Variants in IL1RAPL1 observed in about 807,000 individuals in gnomAD.
IL1RAPL1 encodes the protein interleukin-1 receptor accessory protein-like 1.
IL1RAPL1 carries 3 observed loss-of-function variants against 48.4 expected under a neutral mutation model. That is an observed-to-expected ratio of 0.06 (90% CI 0.03 to 0.16). The LOEUF is 0.16. Ranked by LOEUF, IL1RAPL1 falls within the 10% of genes least tolerant of loss-of-function variation. The pLI is 1.00. For synonymous variants in IL1RAPL1, 185 were observed against 187.7 expected (o/e 0.99, Z 0.12); for missense variants, 349 against 530.6 (o/e 0.66, Z 3.36).
intron 2 of IL1RAPL1, among the ~76,000 whole-genome samples, chrX:29,253,550 C>T (rs1931703248): frequency 9.0e-6 from 1 of 111,210 alleles, no homozygotes; most frequent in Admixed American, 9.6e-5. Context: ...TTTACACAAA[C>T]TCCTCATTTA....
intron 1 of IL1RAPL1, among the ~76,000 whole-genome samples, chrX:28,718,918 T>G (rs940721775): frequency 2.7e-5 from 3 of 111,577 alleles, no homozygotes; most frequent in African/African-American, 9.7e-5. Context: ...TAGGGATGTT[T>G]TCTGCATTCA....
At chrX:28,977,469 C>G (rs12009666) in intron 2 of IL1RAPL1, among the ~76,000 whole-genome samples, 48,190 of 110,417 alleles carry the variant, frequency 0.44, 7,620 homozygotes, top group Middle Eastern at 0.59. Context: ...GGGGATGGTG[C>G]TAACCCATTC....
chrX:28,764,201 G>A (rs1351620119), intron 1 of IL1RAPL1, among the ~76,000 whole-genome samples: 1 of 111,273 alleles, frequency 9.0e-6, no homozygotes, highest in Admixed American at 9.6e-5. Context: ...TACAGAGGTG[G>A]TCAGCCACAT....
chrX:29,644,374 T>G (rs752392448), intron 5 of IL1RAPL1, among the ~76,000 whole-genome samples: 1 of 111,891 alleles, frequency 8.9e-6, no homozygotes, highest in East Asian at 2.8e-4. Flanking sequence ...GAAGTCTTGG[T>G]CCTTCCTGGG....
chrX:28,955,601 G>A (rs988218833), intron 2 of IL1RAPL1, among the ~76,000 whole-genome samples: 25 of 107,343 alleles, frequency 2.3e-4, no homozygotes, highest in African/African-American at 6.5e-4. Flanking sequence ...GATATGCGGC[G>A]TTATTTCTGA....
At chrX:29,535,808 A>G (rs1325076283) in intron 5 of IL1RAPL1, among the ~76,000 whole-genome samples, 1 of 112,516 alleles carries the variant, frequency 8.9e-6, no homozygotes, top group Admixed American at 9.4e-5. Context: ...CATTAGAAAC[A>G]AATGGATTGT....
At chrX:29,869,005 CATG>C (rs1245426625) in intron 6 of IL1RAPL1, among the ~76,000 whole-genome samples, 1 of 112,022 alleles carries the variant, frequency 8.9e-6, no homozygotes, top group Non-Finnish European at 1.9e-5. Flanking sequence ...ATTTGGAAAG[CATG>C]ATATGAGTAC....
rs1933864770 is a variant in IL1RAPL1 at position 29,392,366 on chromosome X, T to C, written c.363-3892T>C. Among the ~76,000 whole-genome samples the C allele has an allele frequency of 4.5e-5, 5 of 112,358 alleles. No individual in the cohort carries two copies. In the Admixed American group the frequency reaches 4.7e-4, roughly 11 times the overall value. The stretch of plus-strand genomic sequence containing the variant: ...AGCAGTTATGTCGCGAGTTTGATGA[T>C]GGTGGAATGTACTCTTTGCTTTGAG... On this transcript the variant is annotated intron_variant, in intron 3 of 10. Transcript: ENST00000378993.
chrX:28,787,004 A>G (rs955060580), intron 1 of IL1RAPL1, among the ~76,000 whole-genome samples: 1 of 112,076 alleles, frequency 8.9e-6, no homozygotes, highest in African/African-American at 3.2e-5. Flanking sequence ...ATTATTATAG[A>G]TTGACCAAGA....
intron 2 of IL1RAPL1, among the ~76,000 whole-genome samples, chrX:28,874,886 C>A (rs747020409): frequency 1.8e-5 from 2 of 111,806 alleles, no homozygotes; most frequent in African/African-American, 6.5e-5. Flanking sequence ...TTGAGGTTAT[C>A]CAGATAGAAG....
chrX:29,213,811 C>T (rs1330922970), intron 2 of IL1RAPL1, among the ~76,000 whole-genome samples: 1 of 112,206 alleles, frequency 8.9e-6, no homozygotes, highest in African/African-American at 3.2e-5. Flanking sequence ...TAACTTCCCC[C>T]ACCTCCAGCA....
intron 5 of IL1RAPL1, among the ~76,000 whole-genome samples, chrX:29,647,298 G>A (rs189892970): frequency 3.9e-4 from 41 of 105,016 alleles, no homozygotes; most frequent in African/African-American, 1.3e-3. Context: ...TGCAGTGAGC[G>A]AGATCATGCC....
At chrX:29,114,668 G>A (rs1398490411) in intron 2 of IL1RAPL1, among the ~76,000 whole-genome samples, 1 of 110,647 alleles carries the variant, frequency 9.0e-6, no homozygotes, top group Non-Finnish European at 1.9e-5. Context: ...ACTCTTGTTG[G>A]CCAGGCTGGA....
intron 6 of IL1RAPL1, among the ~76,000 whole-genome samples, chrX:29,859,234 G>C (rs1569187234): frequency 9.0e-6 from 1 of 111,633 alleles, no homozygotes; most frequent in South Asian, 3.8e-4. Context: ...ATCTCAACCT[G>C]GAGGTATCAC....
At chrX:28,889,082 G>A (rs1006886968) in intron 2 of IL1RAPL1, among the ~76,000 whole-genome samples, 2 of 111,256 alleles carry the variant, frequency 1.8e-5, no homozygotes, top group African/African-American at 6.5e-5. Context: ...CATAGAAAAA[G>A]CTTTTGTCTG....
chrX:28,938,889 G>T (rs1173870454), intron 2 of IL1RAPL1, among the ~76,000 whole-genome samples: 3 of 110,163 alleles, frequency 2.7e-5, no homozygotes, highest in Non-Finnish European at 3.8e-5. Context: ...TTCAAAAGAA[G>T]ACATACATGT....
chrX:29,070,713 A>G (rs1400866236), intron 2 of IL1RAPL1, among the ~76,000 whole-genome samples: 1 of 111,411 alleles, frequency 9.0e-6, no homozygotes, highest in African/African-American at 3.3e-5. Context: ...ATATGCAAAA[A>G]CCACAGAATT....
chrX:28,747,985 A>G (rs1439843497), intron 1 of IL1RAPL1, among the ~76,000 whole-genome samples: 1 of 111,955 alleles, frequency 8.9e-6, no homozygotes, highest in Non-Finnish European at 1.9e-5. Context: ...CTCTTTACAT[A>G]TCTTCTAATT....
intron 1 of IL1RAPL1, among the ~76,000 whole-genome samples, chrX:28,607,763 T>C (rs993852893): frequency 9.1e-6 from 1 of 110,347 alleles, no homozygotes; most frequent in Non-Finnish European, 1.9e-5. Flanking sequence ...GGTGGGTGGG[T>C]TCAAGAATCT....
Sources: allele counts gnomAD v4.1 joint callset (sites outside exome capture counted in the v4.1 genomes callset), GRCh38; gene constraint gnomAD v4.1.1; transcripts MANE v1.5; gene names NCBI Gene and HGNC (gene_info 2026-07-23, HGNC 2026-07-21).